The following PCDHGB1 variants were observed in gnomAD, a reference collection of about 807,000 sequenced individuals.
PCDHGB1 encodes the protein protocadherin gamma-B1.
In PCDHGB1, 34 loss-of-function variants were observed where a neutral mutation model predicts 56.6. That is an observed-to-expected ratio of 0.60 (90% CI 0.46 to 0.80). PCDHGB1 has a LOEUF of 0.80. PCDHGB1 is among the 30% of genes least tolerant of loss of function. PCDHGB1 has a pLI of 0.00. For missense variants in PCDHGB1, 1,278 were observed against 1,204.6 expected (o/e 1.06, Z -0.90); for synonymous variants, 561 against 505.9 (o/e 1.11, Z -1.46).
intron 1 of PCDHGB1, chr5:141,372,480 T>A (rs777083908): frequency 1.2e-5 from 19 of 1,613,928 alleles, no homozygotes; most frequent in Non-Finnish European, 1.6e-5. Flanking sequence ...AGTAGTGGCG[T>A]TGGCCTTGAT....
At chr5:141,461,663 G>C (rs1230719552) in intron 1 of PCDHGB1, among the ~76,000 whole-genome samples, 1 of 151,984 alleles carries the variant, frequency 6.6e-6, no homozygotes, top group Admixed American at 6.6e-5. Flanking sequence ...TTATTTTAAA[G>C]TTTGTTATTT....
At chr5:141,385,281 C>G (rs761366864) in intron 1 of PCDHGB1, 15 of 1,613,230 alleles carry the variant, frequency 9.3e-6, no homozygotes, top group Admixed American at 3.3e-5. Flanking sequence ...TGCTAACATC[C>G]GTAGATTTTC....
At chr5:141,366,157 T>C (rs1277783884) in intron 1 of PCDHGB1, 1 of 1,614,080 alleles carries the variant, frequency 6.2e-7, no homozygotes, top group South Asian at 1.1e-5. Flanking sequence ...ACCGCCTGCT[T>C]AAGGCCAGCG....
intron 1 of PCDHGB1, chr5:141,410,798 T>C: frequency 1.4e-6 from 1 of 712,186 alleles, no homozygotes; most frequent in Non-Finnish European, 2.1e-6. Flanking sequence ...CATAAGTTGC[T>C]CTATCTTTTT....
intron 1 of PCDHGB1, among the ~76,000 whole-genome samples, chr5:141,443,728 C>A (rs1434984241): frequency 1.3e-5 from 2 of 152,060 alleles, no homozygotes; most frequent in African/African-American, 2.4e-5. Flanking sequence ...ATTCCTCATA[C>A]ATTTCCCTAT....
intron 1 of PCDHGB1, chr5:141,360,700 C>G (rs532971055): frequency 6.2e-7 from 1 of 1,613,916 alleles, no homozygotes; most frequent in East Asian, 2.2e-5. Flanking sequence ...TCCAGATGGT[C>G]GTAAATATCC....
At chr5:141,459,287 G>A (rs1362981410) in intron 1 of PCDHGB1, among the ~76,000 whole-genome samples, 1 of 152,136 alleles carries the variant, frequency 6.6e-6, no homozygotes, top group African/African-American at 2.4e-5. Context: ...TCATCTAAAT[G>A]GAATCCTATA....
intron 1 of PCDHGB1, chr5:141,399,525 C>G: frequency 6.2e-7 from 1 of 1,614,058 alleles, no homozygotes; most frequent in Non-Finnish European, 8.5e-7. Flanking sequence ...CTGGGGCCTC[C>G]ATCGCGCAAG....
intron 1 of PCDHGB1, chr5:141,385,966 G>T (rs968695297): frequency 6.6e-6 from 1 of 152,176 alleles, no homozygotes. Context: ...AAGGCCATCG[G>T]ACAAAACCAA....
At chr5:141,464,411 A>G (rs1029342220) in intron 1 of PCDHGB1, among the ~76,000 whole-genome samples, 3 of 151,624 alleles carry the variant, frequency 2.0e-5, no homozygotes, top group Admixed American at 6.6e-5. Flanking sequence ...AGATATATAT[A>G]TATCTATATA....
intron 1 of PCDHGB1, chr5:141,398,152 G>T: frequency 5.3e-6 from 8 of 1,498,488 alleles, no homozygotes; most frequent in Non-Finnish European, 7.1e-6. Context: ...CGGGGAGCTG[G>T]GCCGGGCTGA....
rs756216038 is a variant in PCDHGB1, at chr5:141,477,967, C to G, written c.2410-16840C>G. 1.9e-6 allele frequency: 3 copies of G among 1,614,032 alleles called. No homozygotes were observed. Among genetic ancestry groups the G allele is most frequent in the Admixed American group, 3.3e-5 (2 of 59,996 alleles). ...GTCTCTTGGGATCCCCTAACCAGAG[C>G]CTTTTTGCCATAGGGCTGCACACTG... On this transcript the variant is annotated intron_variant, in intron 1 of 3. Transcript: ENST00000523390. The surrounding 1 kb of genome is among the most constrained non-coding windows in gnomAD (Gnocchi z 4.9).
intron 1 of PCDHGB1, among the ~76,000 whole-genome samples, chr5:141,492,745 C>G (rs2099743569): frequency 6.6e-6 from 1 of 152,262 alleles, no homozygotes; most frequent in Non-Finnish European, 1.5e-5. Flanking sequence ...GTGGCCGAGG[C>G]GCGGCAGGGC....
At chr5:141,383,468 A>C in intron 1 of PCDHGB1, 1 of 1,613,774 alleles carries the variant, frequency 6.2e-7, no homozygotes, top group Non-Finnish European at 8.5e-7. Context: ...GATGAAACTA[A>C]GTACCCGGAA....
In PCDHGB1 at chr5:141,431,615, G is replaced by C. The variant is rs1231591874; in HGVS notation, c.2410-63192G>C. The C allele has an allele frequency of 1.2e-6, 2 of 1,614,118 alleles. No individual in the cohort carries two copies. Among genetic ancestry groups the C allele is most frequent in the Non-Finnish European group, 8.5e-7 (1 of 1,180,050 alleles). ...GAGGTATTCCTTCCGGTATGTGGACGACAAGGCGGCCCAAGTTTTCAAACT... is the reference window on the plus strand; with the variant it reads ...GAGGTATTCCTTCCGGTATGTGGACCACAAGGCGGCCCAAGTTTTCAAACT... On this transcript the variant is annotated intron_variant, in intron 1 of 3. Coordinates refer to ENST00000523390, the MANE Select transcript of PCDHGB1 (RefSeq NM_018922.3). This position sits in a 1 kb window ranked among gnomAD's most constrained non-coding sequence, Gnocchi z 4.8.
At chr5:141,400,341 C>T in intron 1 of PCDHGB1, 7 of 1,614,070 alleles carry the variant, frequency 4.3e-6, no homozygotes, top group Non-Finnish European at 5.9e-6. Flanking sequence ...TTCCCCCCAA[C>T]TACAGTCAGG....
intron 1 of PCDHGB1, chr5:141,372,047 G>C (rs1768347911): frequency 1.2e-6 from 2 of 1,613,408 alleles, no homozygotes; most frequent in Non-Finnish European, 1.7e-6. Context: ...TGCGCGTGTT[G>C]GTGGACGACC....
chr5:141,494,891 C>G, intron 2 of PCDHGB1, 26 bp downstream of exon 2: 1 of 1,614,098 alleles, frequency 6.2e-7, no homozygotes. Flanking sequence ...TCCAGCCCAC[C>G]CTCTTCTCTG....
intron 1 of PCDHGB1, chr5:141,403,221 T>G (rs899056141): frequency 1.3e-5 from 21 of 1,613,974 alleles, no homozygotes; most frequent in Non-Finnish European, 1.8e-5. Flanking sequence ...GCGGGTAGGA[T>G]AGACCGGGAG....
Sources: gnomAD v4.1 joint callset for allele counts (sites outside exome capture counted in the v4.1 genomes callset) on GRCh38, gnomAD v4.1.1 for gene constraint, Gnocchi (gnomAD v3.1) non-coding constraint, MANE v1.5 for transcripts, NCBI Gene and HGNC (gene_info 2026-07-23, HGNC 2026-07-21) for gene names.